The following PIWIL2 variants were observed in gnomAD, a reference collection of about 807,000 sequenced individuals.
PIWIL2 encodes the protein piwi like RNA-mediated gene silencing 2, also known as piwi-like protein 2.
Under a neutral mutation model 116.5 loss-of-function variants are expected in PIWIL2, and 81 were observed. The ratio of observed to expected loss-of-function variants is 0.70; its 90% confidence interval spans 0.58 to 0.84. PIWIL2 has a LOEUF of 0.84. Among genes scored for constraint, PIWIL2 ranks in the 40% least tolerant of loss-of-function variants. The pLI is 0.00. For missense variants in PIWIL2, 1,272 were observed against 1,212.3 expected, an observed-to-expected ratio of 1.05 and a Z score of -0.73; for synonymous variants, 489 against 429.5, an observed-to-expected ratio of 1.14 and a Z score of -1.71.
At chr8:22,287,392 C>CT (rs1830652808) in intron 6 of PIWIL2, 136 bp from the exon 7 acceptor site, 2 of 689,538 alleles carry the variant, frequency 2.9e-6, no homozygotes. Flanking sequence ...AGTCAAAGTT[C>CT]TAGGCAGATA....
At chr8:22,314,307 T>C (rs376579154) in intron 16 of PIWIL2, 21 bp from the exon 17 acceptor site, 121 of 1,394,068 alleles carry the variant, frequency 8.7e-5, no homozygotes, top group Non-Finnish European at 1.1e-4. Flanking sequence ...GCCTGACTTG[T>C]ATATACCTTA....
intron 7 of PIWIL2, 51 bp downstream of exon 7, chr8:22,287,696 G>A (rs774908543): frequency 1.4e-5 from 17 of 1,191,892 alleles, no homozygotes; most frequent in Non-Finnish European, 1.5e-5. Flanking sequence ...GAGTGCTCTG[G>A]CGTTTTTTGT....
At chr8:22,282,208 G>A (rs1201086137) in intron 4 of PIWIL2, among the ~76,000 whole-genome samples, 2 of 141,816 alleles carry the variant, frequency 1.4e-5, no homozygotes, top group South Asian at 2.3e-4. Context: ...AGTGTGCCGA[G>A]TAGCTGGGAC....
rs181119728 is a variant in PIWIL2 at position 22,302,132 on chromosome 8, A to G, written c.1182-1889A>G. 3.3e-5 allele frequency among the ~76,000 whole-genome samples: 5 copies of G among 151,268 alleles called. No homozygotes were observed. The East Asian group carries it at 7.8e-4, about 23-fold the overall frequency. ...ATTTTCAAATATTTGGAGATTTCTT[A>G]TTTTTCTTTCTGTTTAATACATTTT... On this transcript the variant is annotated intron_variant, in intron 10 of 22. Coordinates refer to ENST00000356766, the MANE Select transcript of PIWIL2 (RefSeq NM_018068.5).
intron 10 of PIWIL2, among the ~76,000 whole-genome samples, chr8:22,292,603 G>C (rs2132005698): frequency 6.6e-6 from 1 of 152,328 alleles, no homozygotes; most frequent in South Asian, 2.1e-4. Flanking sequence ...TTAATATAGG[G>C]CTTAGCACTG....
intron 8 of PIWIL2, among the ~76,000 whole-genome samples, chr8:22,289,260 G>A (rs1830702150): frequency 6.7e-6 from 1 of 149,642 alleles, no homozygotes; most frequent in African/African-American, 2.5e-5. Context: ...TCAAGTGATT[G>A]TCCTGCCTCA....
At chr8:22,318,475 G>A (rs1052744975) in intron 20 of PIWIL2, among the ~76,000 whole-genome samples, 200 bp downstream of exon 20, 4 of 152,178 alleles carry the variant, frequency 2.6e-5, no homozygotes, top group South Asian at 2.1e-4. Flanking sequence ...GCACCAGCAC[G>A]TCCAGTTAAT....
In PIWIL2 at chr8:22,281,594, G is replaced by T. The variant is rs1334330897; in HGVS notation, c.425+79G>T. On this transcript the variant is annotated intron_variant, in intron 4 of 22. Coordinates refer to ENST00000356766, the MANE Select transcript of PIWIL2 (RefSeq NM_018068.5). ...TAAGTTCAGAGAGCAACTCTAAGAA[G>T]AGTTGTGTCATCTCATAATCAATGT... 5.0e-6 allele frequency: 6 copies of T among 1,194,626 alleles called. No homozygotes were observed. In the African/African-American group the frequency reaches 6.3e-5, roughly 12 times the overall value. 74.0% of individuals were successfully genotyped at this position (1,194,626 alleles called of 1,614,324 possible).
In PIWIL2 at chr8:22,281,212, G is replaced by C; in HGVS notation, c.286+5G>C. The stretch of plus-strand genomic sequence containing the variant: ...AACGGGAAATGCTTCCATCAGGTAT[G>C]TGGAAAACTAACTTGAGAAATTTGG... On this transcript the variant is annotated splice_donor_5th_base_variant and intron_variant, in intron 3 of 22. Transcript: ENST00000356766. 1 of 1,597,356 alleles carries C rather than the reference G, an allele frequency of 6.3e-7. No individual in the cohort carries two copies. The highest frequency in any genetic ancestry group is 8.5e-7 in the Non-Finnish European group (1 of 1,169,920).
chr8:22,340,019 A>G (rs1428005228), intron 20 of PIWIL2, among the ~76,000 whole-genome samples: 2 of 151,210 alleles, frequency 1.3e-5, no homozygotes, highest in Non-Finnish European at 2.9e-5. Context: ...AAACATTAGC[A>G]GAGTGAACCT....
At chr8:22,344,370 C>T (rs950827616) in intron 20 of PIWIL2, among the ~76,000 whole-genome samples, 1 of 152,120 alleles carries the variant, frequency 6.6e-6, no homozygotes, top group African/African-American at 2.4e-5. Flanking sequence ...TCAGTTGTAA[C>T]AAGTGTACCA....
At chr8:22,322,202 T>C (rs1328016221) in intron 20 of PIWIL2, among the ~76,000 whole-genome samples, 1 of 152,092 alleles carries the variant, frequency 6.6e-6, no homozygotes, top group African/African-American at 2.4e-5. Flanking sequence ...TTGATTTTGC[T>C]CTTCTCCTTT....
rs75811796 is a variant in PIWIL2 at position 22,307,008 on chromosome 8, C to T, written c.1546-925C>T. Among the ~76,000 whole-genome samples the T allele has an allele frequency of 1.6e-3, 250 of 152,272 alleles. 2 individuals carry two copies. Among genetic ancestry groups the T allele is most frequent in the Non-Finnish European group, 3.2e-3 (215 of 68,032 alleles). On this transcript the variant is annotated intron_variant, in intron 13 of 22. Coordinates refer to ENST00000356766, the MANE Select transcript of PIWIL2 (RefSeq NM_018068.5). ...TTACTCAACAATATTTAGCAAGTAC[C>T]TATAAATGAGTCAAACACCATGACA...
At chr8:22,332,659 G>A (rs537126162) in intron 20 of PIWIL2, among the ~76,000 whole-genome samples, 1 of 152,144 alleles carries the variant, frequency 6.6e-6, no homozygotes, top group African/African-American at 2.4e-5. Context: ...AATAAACAGC[G>A]TAAGCCACAA....
chr8:22,299,285 A>G (rs911908710), intron 10 of PIWIL2, among the ~76,000 whole-genome samples: 6 of 150,500 alleles, frequency 4.0e-5, no homozygotes, highest in Non-Finnish European at 8.9e-5. Flanking sequence ...ATCTTGGCTC[A>G]CTGCAACCTC....
chr8:22,343,261 G>A (rs542634021), intron 20 of PIWIL2, among the ~76,000 whole-genome samples: 5 of 152,252 alleles, frequency 3.3e-5, no homozygotes, highest in East Asian at 3.9e-4. Context: ...AAAATTAGCC[G>A]GGTGTGGTGG....
intron 14 of PIWIL2, among the ~76,000 whole-genome samples, chr8:22,309,419 C>A (rs1831270206): frequency 6.6e-6 from 1 of 152,170 alleles, no homozygotes; most frequent in African/African-American, 2.4e-5. Context: ...CAGCTCACTG[C>A]AGCCTCCTCC....
intron 20 of PIWIL2, among the ~76,000 whole-genome samples, chr8:22,322,261 C>T (rs1554503190): frequency 6.6e-6 from 1 of 150,514 alleles, no homozygotes; most frequent in Non-Finnish European, 1.5e-5. Flanking sequence ...TCCCCCCCAC[C>T]TTTTTTTTTG....
At chr8:22,320,133 T>C (rs1352899852) in intron 20 of PIWIL2, among the ~76,000 whole-genome samples, 1 of 152,064 alleles carries the variant, frequency 6.6e-6, no homozygotes, top group East Asian at 1.9e-4. Context: ...TGGCTAATTT[T>C]TGTATTTTTA....
Sources: allele counts gnomAD v4.1 joint callset (sites outside exome capture counted in the v4.1 genomes callset), GRCh38; gene constraint gnomAD v4.1.1; transcripts MANE v1.5; gene names NCBI Gene and HGNC (gene_info 2026-07-23, HGNC 2026-07-21).